Variants in TENM1 observed in about 807,000 individuals in gnomAD.
The protein encoded by TENM1 is teneurin transmembrane protein 1, also known as teneurin-1.
Under a neutral mutation model 174.8 loss-of-function variants are expected in TENM1, and 35 were observed. The observed-to-expected ratio is 0.20, with a 90% CI of 0.15 to 0.27. The LOEUF (loss-of-function observed/expected upper bound fraction) is 0.27, where lower values mean the gene tolerates loss of function less well. Among genes scored for constraint, TENM1 ranks in the 10% least tolerant of loss-of-function variants. The pLI is 1.00. For synonymous variants in TENM1, 781 were observed against 798.7 expected (o/e 0.98, Z 0.37); for missense variants, 1,633 against 2,130.1 (o/e 0.77, Z 4.59).
chrX:124,979,762 T>C, the TENM1 span, among the ~76,000 whole-genome samples: 9 of 109,946 alleles, frequency 8.2e-5, no homozygotes, highest in Non-Finnish European at 1.5e-4. Context: ...TTTAAACAAA[T>C]AATTGAAAAG....
chrX:124,939,074 A>G (rs2058287721), intron 1 of TENM1, among the ~76,000 whole-genome samples: 1 of 111,954 alleles, frequency 8.9e-6, no homozygotes, highest in African/African-American at 3.2e-5. Context: ...TGGGTACACT[A>G]ACAAGGTATT....
At chrX:124,804,442 C>T (rs1305426594) in intron 3 of TENM1, among the ~76,000 whole-genome samples, 6 of 111,577 alleles carry the variant, frequency 5.4e-5, no homozygotes, top group Admixed American at 9.5e-5. Context: ...ACTGAGTTTC[C>T]TTTGAAGTCA....
chrX:124,785,339 T>C (rs1806919465), intron 3 of TENM1, among the ~76,000 whole-genome samples: 1 of 111,827 alleles, frequency 8.9e-6, no homozygotes, highest in Non-Finnish European at 1.9e-5. Flanking sequence ...TTTATCATTG[T>C]TATCCTTACC....
chrX:125,008,033 A>T, the TENM1 span, among the ~76,000 whole-genome samples: 1 of 111,552 alleles, frequency 9.0e-6, no homozygotes, highest in Non-Finnish European at 1.9e-5. Context: ...ATATAACAAT[A>T]TTAACCTTAA....
intron 11 of TENM1, among the ~76,000 whole-genome samples, chrX:124,578,405 T>C (rs1446859908): frequency 1.8e-5 from 2 of 111,476 alleles, no homozygotes; most frequent in Admixed American, 1.9e-4. Flanking sequence ...GATAGCATAG[T>C]GATTAAGAGT....
At chrX:124,797,217 A>T (rs886393201) in intron 3 of TENM1, among the ~76,000 whole-genome samples, 1 of 111,771 alleles carries the variant, frequency 8.9e-6, no homozygotes, top group African/African-American at 3.3e-5. Flanking sequence ...TGTCTGTTGA[A>T]CTGAAGTTCG....
the TENM1 span, among the ~76,000 whole-genome samples, chrX:125,203,270 A>C: frequency 1.1e-3 from 126 of 112,715 alleles, no homozygotes; most frequent in Non-Finnish European, 1.9e-3. Flanking sequence ...CGGAGACAGC[A>C]GGACCTGGAC....
At chrX:125,011,517 G>A in the TENM1 span, among the ~76,000 whole-genome samples, 1 of 111,246 alleles carries the variant, frequency 9.0e-6, no homozygotes, top group Non-Finnish European at 1.9e-5. Flanking sequence ...TCAAAAAGTG[G>A]GCAAAGGATA....
At chrX:124,505,072 C>T (rs1602556977) in intron 18 of TENM1, among the ~76,000 whole-genome samples, 1 of 112,276 alleles carries the variant, frequency 8.9e-6, no homozygotes, top group African/African-American at 3.2e-5. Flanking sequence ...GGGCCATCTT[C>T]ATGGATACGA....
chrX:124,456,532 T>C (rs1007750662), intron 22 of TENM1, among the ~76,000 whole-genome samples: 23 of 111,832 alleles, frequency 2.1e-4, no homozygotes, highest in Non-Finnish European at 3.8e-4. Flanking sequence ...AAAAATCAAA[T>C]TGGAAACCCC....
intron 27 of TENM1, 36 bp downstream of exon 30, chrX:124,404,995 T>C (rs1463905002): frequency 1.8e-6 from 2 of 1,130,845 alleles, no homozygotes; most frequent in Admixed American, 2.2e-5. Flanking sequence ...AAAACACCTA[T>C]AAAAGTTCTA....
intron 1 of TENM1, among the ~76,000 whole-genome samples, chrX:124,898,542 CAT>C (rs967920711): frequency 6.4e-5 from 7 of 109,920 alleles, no homozygotes; most frequent in Non-Finnish European, 3.8e-5. Context: ...CATACAACGG[CAT>C]ATGAGATGTG....
the TENM1 span, among the ~76,000 whole-genome samples, chrX:125,104,617 TA>T: frequency 1.0e-5 from 1 of 98,229 alleles, no homozygotes; most frequent in African/African-American, 4.0e-5. Flanking sequence ...CATGACCCAC[TA>T]AAGGGAAGAG....
chrX:124,949,800 C>G (rs1372910670), intron 1 of TENM1, among the ~76,000 whole-genome samples: 2 of 111,735 alleles, frequency 1.8e-5, no homozygotes, highest in African/African-American at 3.3e-5. Context: ...ATAATTTTAT[C>G]AGATCCAAAA....
rs748033246 is a variant in TENM1 at position 124,890,774 on chromosome X, C to G, written c.535+3522G>C. Among the ~76,000 whole-genome samples the G allele has an allele frequency of 4.5e-5, 5 of 110,023 alleles. No homozygotes were observed. The South Asian group carries it at 2.0e-3, about 43-fold the overall frequency. On this transcript the variant is annotated intron_variant, in intron 3 of 31. Transcript: ENST00000422452. ...CACCATGAAGAGCAGTATGGAGGTA[C>G]CCTAAAAAAAACTAAAAATAGAACT...
At chrX:124,755,471 G>A (rs2054207473) in intron 3 of TENM1, among the ~76,000 whole-genome samples, 1 of 110,833 alleles carries the variant, frequency 9.0e-6, no homozygotes, top group Non-Finnish European at 1.9e-5. Flanking sequence ...TTTAGTTGGA[G>A]CATTTAGTCC....
chrX:124,437,050 T>C (rs1165235997), intron 23 of TENM1, among the ~76,000 whole-genome samples: 3 of 103,877 alleles, frequency 2.9e-5, no homozygotes, highest in African/African-American at 1.1e-4. Flanking sequence ...AAGCAATTCT[T>C]GTGCCTCAGC....
the TENM1 span, among the ~76,000 whole-genome samples, chrX:125,203,336 G>A: frequency 8.9e-6 from 1 of 112,678 alleles, no homozygotes; most frequent in African/African-American, 3.2e-5. Context: ...CCAGAGAAGC[G>A]CCCCTTTCTT....
At chrX:124,447,739 C>G (rs1049613080) in intron 23 of TENM1, among the ~76,000 whole-genome samples, 65 of 111,426 alleles carry the variant, frequency 5.8e-4, no homozygotes, top group African/African-American at 2.1e-3. Context: ...GTCTCCTTCT[C>G]TCAGCCTCCT....
Sources: gnomAD v4.1 joint callset for allele counts (sites outside exome capture counted in the v4.1 genomes callset) on GRCh38, gnomAD v4.1.1 for gene constraint, MANE v1.5 for transcripts, NCBI Gene and HGNC (gene_info 2026-07-23, HGNC 2026-07-21) for gene names.